SOX18: variants seen among roughly 807,000 people sequenced by gnomAD.
SOX18 encodes the protein SRY-box transcription factor 18, also known as transcription factor SOX-18.
Under a neutral mutation model 9.1 loss-of-function variants are expected in SOX18, and 2 were observed. The ratio of observed to expected loss-of-function variants is 0.22; its 90% confidence interval spans 0.09 to 0.69. The LOEUF (loss-of-function observed/expected upper bound fraction) is 0.69, where lower values mean the gene tolerates loss of function less well. Ranked by LOEUF, SOX18 falls within the 30% of genes least tolerant of loss-of-function variation. The probability of loss-of-function intolerance (pLI) is 0.80; values close to 1 mark genes in which losing one functional copy is unlikely to be tolerated. For synonymous variants in SOX18, 292 were observed against 280.5 expected (o/e 1.04, Z -0.41); for missense variants, 542 against 567.3 (o/e 0.96, Z 0.45).
intron 1 of SOX18, 56 bp from the exon 2 acceptor site, chr20:64,049,018 C>A: frequency 6.7e-7 from 1 of 1,501,424 alleles, no homozygotes; most frequent in Admixed American, 2.1e-5. Flanking sequence ...GGCGCCGAGC[C>A]CTCCGTGCGC....
chr20:64,049,343 G>A lies in SOX18; in HGVS notation c.174C>T (p.Pro58=), dbSNP rs763416865. The change falls in exon 1 of 2, where the codon CCC becomes CCT. Residue 58 remains proline (P), a synonymous_variant. Coordinates refer to ENST00000340356, the MANE Select transcript of SOX18 (RefSeq NM_018419.3). ...PASPPSPQRS[P]PRSPEPGRYG... is the part of the protein sequence containing the mutation. ...AGCGCCCCGGCTCGGGGCTGCGCGG[G>A]GGACTGCGCTGCGGGCTGGGCGGCG... 1 of 1,206,868 alleles carries A rather than the reference G, an allele frequency of 8.3e-7. No homozygotes were observed. The highest frequency in any genetic ancestry group is 1.0e-6 in the Non-Finnish European group (1 of 959,942). The allele number at this position is 1,206,868 out of a possible 1,614,324, so 74.8% of individuals were successfully genotyped here. A position where few individuals can be genotyped will look rare whatever the true frequency, so the allele number is the denominator to read the frequency against.
intron 1 of SOX18, 65 bp downstream of exon 1, chr20:64,049,094 C>CA: frequency 1.0e-6 from 1 of 972,830 alleles, no homozygotes; most frequent in Middle Eastern, 3.9e-4. Flanking sequence ...CTGCCCCCCC[C>CA]GCCCCACCCC....
At chr20:64,049,092 C>CCT in intron 1 of SOX18, 67 bp downstream of exon 1, 1 of 920,472 alleles carries the variant, frequency 1.1e-6, no homozygotes, top group South Asian at 4.0e-5. Context: ...CCCTGCCCCC[C>CCT]CCGCCCCACC....
rs935863003 is a variant in SOX18, at chr20:64,048,598, C to G, written c.723G>C (p.Ala241=). The G allele has an allele frequency of 2.4e-6, 3 of 1,238,414 alleles. No homozygotes were observed. The highest frequency in any genetic ancestry group is 6.9e-5 in the South Asian group (2 of 28,856). The allele number at this position is 1,238,414 out of a possible 1,614,324, so 76.7% of individuals were successfully genotyped here. ...FPPPAAPEDC[A]LRPFRAPYAP... Reference sequence around the variant, plus strand: ...CGTAGGGCGCGCGGAAGGGCCGCAGCGCGCAGTCCTCGGGCGCCGCGGGCG... The same window carrying G: ...CGTAGGGCGCGCGGAAGGGCCGCAGGGCGCAGTCCTCGGGCGCCGCGGGCG... Residue 241 remains alanine, a synonymous_variant, in exon 2 of 2, where the codon GCG becomes GCC. Coordinates refer to ENST00000340356, the MANE Select transcript of SOX18 (RefSeq NM_018419.3).
rs1259707880 is a variant in SOX18, at chr20:64,049,369, A to C, written c.148T>G (p.Ser50Ala). 1.2e-5 allele frequency: 12 copies of C among 1,014,528 alleles called. No individual in the cohort carries two copies. Among genetic ancestry groups the C allele is most frequent in the East Asian group, 1.8e-4 (2 of 11,280 alleles). The allele number at this position is 1,014,528 out of a possible 1,614,324, so 62.8% of individuals were successfully genotyped here. The stretch of plus-strand genomic sequence containing the variant: ...GGACTGCGCTGCGGGCTGGGCGGCG[A>C]GGCGGGCGCGGCGGGCGCGGCGAGG... Reference protein sequence around the residue: ...AALAAPAAPASPPSPQRSPPR... With the variant: ...AALAAPAAPAAPPSPQRSPPR... Residue 50 changes from serine to alanine, a missense_variant, in exon 1 of 2, where the codon TCG becomes GCG. Transcript: ENST00000340356.
chr20:64,048,003 G>T lies in SOX18; in HGVS notation c.*163C>A. On this transcript the variant is annotated 3_prime_UTR_variant, in exon 2 of 2. Transcript: ENST00000340356. ...CAGAAGCCCAGGAAGGGTGGCCTGG[G>T]AGGTGGAACGGGCGCAAGGCCGAGC... 1.3e-6 allele frequency: 1 copy of T among 787,302 alleles called. No individual in the cohort carries two copies. Among genetic ancestry groups the T allele is most frequent in the Non-Finnish European group, 2.0e-6 (1 of 487,886 alleles). The allele number at this position is 787,302 out of a possible 1,614,324, so 48.8% of individuals were successfully genotyped here.
Position 64,047,997 on chromosome 20 carries a change from G to A in SOX18, c.*169C>T. The A allele has an allele frequency of 1.3e-6, 1 of 753,232 alleles. No individual in the cohort carries two copies. The highest frequency in any genetic ancestry group is 2.2e-6 in the Non-Finnish European group (1 of 459,368). The allele number at this position is 753,232 out of a possible 1,614,324, so 46.7% of individuals were successfully genotyped here. ...GTGGCCCAGAAGCCCAGGAAGGGTG[G>A]CCTGGGAGGTGGAACGGGCGCAAGG... On this transcript the variant is annotated 3_prime_UTR_variant, in exon 2 of 2. Coordinates refer to ENST00000340356, the MANE Select transcript of SOX18 (RefSeq NM_018419.3).
rs2145416732 is a variant in SOX18 at position 64,048,228 on chromosome 20, G to A, written c.1093C>T (p.Leu365=). Residue 365 remains leucine, a synonymous_variant, in exon 2 of 2, where the codon CTG becomes TTG. Coordinates refer to ENST00000340356, the MANE Select transcript of SOX18 (RefSeq NM_018419.3). Reference sequence around the variant, plus strand: ...CTGGCGTCCGACAGCGCGGAGATCAGGCTGCTCTCCTCTGGGCAGGACATG... The same window carrying A: ...CTGGCGTCCGACAGCGCGGAGATCAAGCTGCTCTCCTCTGGGCAGGACATG... ...RAMSCPEESS[L]ISALSDASSA... is the part of the protein sequence containing the mutation. The A allele has an allele frequency of 1.3e-6, 2 of 1,588,108 alleles. No homozygotes were observed. The highest frequency in any genetic ancestry group is 2.3e-5 in the East Asian group (1 of 43,758).
Position 64,047,958 on chromosome 20 carries a change from C to T in SOX18, c.*208G>A, listed in dbSNP as rs565931310. On this transcript the variant is annotated 3_prime_UTR_variant, in exon 2 of 2. Transcript: ENST00000340356. ...GGAACTCCAGGCACCCTCGCAGGGG[C>T]CCCCCGAGGGCAGGTGGCCCAGAAG... The T allele has an allele frequency of 3.3e-6, 2 of 609,264 alleles. No homozygotes were observed. The highest frequency in any genetic ancestry group is 2.9e-5 in the Admixed American group (1 of 34,088). 37.7% of individuals were successfully genotyped at this position (609,264 alleles called of 1,614,324 possible).
Position 64,048,945 on chromosome 20 carries a change from G to C in SOX18, c.376C>G (p.Leu126Val). The C allele has an allele frequency of 2.5e-6, 4 of 1,592,726 alleles. No individual in the cohort carries two copies. The highest frequency in any genetic ancestry group is 3.4e-6 in the Non-Finnish European group (4 of 1,175,116). The change falls in exon 2 of 2, where the codon CTG (leucine) becomes GTG (valine). Residue 126 changes from leucine to valine, a missense_variant. Transcript: ENST00000340356. ...SKMLGKAWKELNAAEKRPFVE... is the reference protein window; with the variant it reads ...SKMLGKAWKEVNAAEKRPFVE... The stretch of plus-strand genomic sequence containing the variant: ...AAGGGCCGCTTCTCCGCCGCGTTCA[G>C]CTCCTTCCACGCTTTGCCTGCGGGC...
Position 64,048,317 on chromosome 20 carries a change from C to A in SOX18, c.1004G>T (p.Arg335Leu). The change falls in exon 2 of 2, where the codon CGG (arginine) becomes CTG (leucine). Residue 335 changes from arginine to leucine, a missense_variant. Arg to Leu is a moderately radical substitution (Grantham distance 102, BLOSUM62 -2). Coordinates refer to ENST00000340356, the MANE Select transcript of SOX18 (RefSeq NM_018419.3). The part of the protein sequence containing the change: ...TEFDQYLNCS[R>L]TRPDAPGLPY... ...GAGCCCGGGGGCGTCGGGCCGAGTC[C>A]GGCTGCAGTTGAGGTACTGGTCGAA... 1 of 1,592,114 alleles carries A rather than the reference C, an allele frequency of 6.3e-7. No individual in the cohort carries two copies. The highest frequency in any genetic ancestry group is 2.3e-5 in the East Asian group (1 of 43,588).
chr20:64,048,789 C>G lies in SOX18; in HGVS notation c.532G>C (p.Ala178Pro). ...LEPGLLLPGL[A>P]PPQPPPEPFP... ...GGCTCGGGCGGTGGCTGCGGGGGCG[C>G]TAATCCCGGGAGCAGGAGGCCGGGC... The change falls in exon 2 of 2, where the codon GCG (alanine) becomes CCG (proline). Residue 178 changes from alanine (A) to proline (P), a missense_variant. Transcript: ENST00000340356. 1 of 1,518,806 alleles carries G rather than the reference C, an allele frequency of 6.6e-7. No homozygotes were observed. Among genetic ancestry groups the G allele is most frequent in the Non-Finnish European group, 8.8e-7 (1 of 1,140,390 alleles). 94.1% of individuals were successfully genotyped at this position (1,518,806 alleles called of 1,614,324 possible). A position where few individuals can be genotyped will look rare whatever the true frequency, so the allele number is the denominator to read the frequency against.
Position 64,048,932 on chromosome 20 carries a change from T to G in SOX18, c.389A>C (p.Glu130Ala), listed in dbSNP as rs767374679. Reference protein sequence around the residue: ...GKAWKELNAAEKRPFVEEAER... With the variant: ...GKAWKELNAAAKRPFVEEAER... ...GGCTTCCTCCACGAAGGGCCGCTTC[T>G]CCGCCGCGTTCAGCTCCTTCCACGC... is the stretch of plus-strand genomic sequence containing the variant. Residue 130 changes from glutamate to alanine, a missense_variant, in exon 2 of 2, where the codon GAG becomes GCG. Transcript: ENST00000340356. The G allele has an allele frequency of 6.3e-6, 10 of 1,595,246 alleles. No individual in the cohort carries two copies. The highest frequency in any genetic ancestry group is 1.1e-5 in the South Asian group (1 of 90,100).
At chr20:64,049,104 C>T in intron 1 of SOX18, 55 bp downstream of exon 1, 1 of 1,026,812 alleles carries the variant, frequency 9.7e-7, no homozygotes, top group South Asian at 3.1e-5. Context: ...CGCCCCACCC[C>T]GGCCCGAGCC....
At position 64,048,025 on chromosome 20, in the gene SOX18, G is replaced by A; in HGVS notation, c.*141C>T. ...TGGGAGGTGGAACGGGCGCAAGGCC[G>A]AGCATCACTGGCTCCTAGGGGGCTG... On this transcript the variant is annotated 3_prime_UTR_variant, in exon 2 of 2. Coordinates refer to ENST00000340356, the MANE Select transcript of SOX18 (RefSeq NM_018419.3). 3.3e-6 allele frequency: 3 copies of A among 920,032 alleles called. No homozygotes were observed. Among genetic ancestry groups the A allele is most frequent in the Non-Finnish European group, 5.0e-6 (3 of 596,766 alleles). 57.0% of individuals were successfully genotyped at this position (920,032 alleles called of 1,614,324 possible). A position where few individuals can be genotyped will look rare whatever the true frequency, so the allele number is the denominator to read the frequency against.
Position 64,048,433 on chromosome 20 carries a change from C to T in SOX18, c.888G>A (p.Pro296=), listed in dbSNP as rs2059407118. ...TLGTPGPYPG[P]LSPPPEAPPL... ...GCGGGGCCTCGGGCGGCGGCGACAG[C>T]GGGCCGGGGTACGGGCCGGGCGTGC... The change falls in exon 2 of 2, where the codon CCG becomes CCA. Residue 296 remains proline (P), a synonymous_variant. Coordinates refer to ENST00000340356, the MANE Select transcript of SOX18 (RefSeq NM_018419.3). 4 of 1,417,272 alleles carry T rather than the reference C, an allele frequency of 2.8e-6. No homozygotes were observed. Among genetic ancestry groups the T allele is most frequent in the Non-Finnish European group, 3.7e-6 (4 of 1,094,426 alleles). The allele number at this position is 1,417,272 out of a possible 1,614,324, so 87.8% of individuals were successfully genotyped here. A position where few individuals can be genotyped will look rare whatever the true frequency, so the allele number is the denominator to read the frequency against.
In SOX18 at chr20:64,048,555, G is replaced by A. The variant is rs568711898; in HGVS notation, c.766C>T (p.Arg256Trp). Residue 256 changes from arginine (R) to tryptophan (W), a missense_variant, in exon 2 of 2, where the codon CGG (arginine) becomes TGG (tryptophan). By Grantham distance (101) the Arg-to-Trp change is moderately radical. Transcript: ENST00000340356. The part of the protein sequence containing the change: ...RAPYAPTELS[R>W]DPGGCYGAPL... ...GCCCCGTAGCAACCGCCGGGGTCCC[G>A]CGACAACTCGGTGGGCGCGTAGGGC... The A allele has an allele frequency of 8.7e-4, 1,070 of 1,223,042 alleles. 9 individuals are homozygous for A. The highest frequency in any genetic ancestry group is 2.8e-4 in the Non-Finnish European group (279 of 983,880). 75.8% of individuals were successfully genotyped at this position (1,223,042 alleles called of 1,614,324 possible).
chr20:64,049,385 C>CGGCGGGGCCG lies in SOX18; in HGVS notation c.131_132insCGGCCCCGCC (p.Pro45GlyfsTer484). On this transcript the variant is annotated frameshift_variant, in exon 1 of 2. Coordinates refer to ENST00000340356, the MANE Select transcript of SOX18 (RefSeq NM_018419.3). LOFTEE classifies it high-confidence loss of function. ...TGGGCGGCGAGGCGGGCGCGGCGGG[C>CGGCGGGGCCG]GCGGCGAGGGCGGCGGGGCCGGCGG... 1.0e-6 allele frequency: 1 copy of CGGCGGGGCCG among 987,654 alleles called. No individual in the cohort carries two copies. The highest frequency in any genetic ancestry group is 1.2e-6 in the Non-Finnish European group (1 of 833,882). 61.2% of individuals were successfully genotyped at this position (987,654 alleles called of 1,614,324 possible).
Position 64,049,551 on chromosome 20 carries a change from G to A in SOX18, c.-35C>T, listed in dbSNP as rs902717047. Reference sequence around the variant, plus strand: ...GCGCGGCCTGGGCGGAACGGAGCGCGGGAGCGCGGCGGGCGGGCGGCGGGC... The same window carrying A: ...GCGCGGCCTGGGCGGAACGGAGCGCAGGAGCGCGGCGGGCGGGCGGCGGGC... On this transcript the variant is annotated 5_prime_UTR_variant, in exon 1 of 2. Transcript: ENST00000340356. 9.5e-7 allele frequency: 1 copy of A among 1,047,648 alleles called. No individual in the cohort carries two copies. Among genetic ancestry groups the A allele is most frequent in the Non-Finnish European group, 1.1e-6 (1 of 869,888 alleles). 64.9% of individuals were successfully genotyped at this position (1,047,648 alleles called of 1,614,324 possible).
Sources: allele counts gnomAD v4.1 joint callset, GRCh38; gene constraint gnomAD v4.1.1; transcripts MANE v1.5; gene names NCBI Gene and HGNC (gene_info 2026-07-23, HGNC 2026-07-21).